The following DLG5 variants were observed in gnomAD, a reference collection of about 807,000 sequenced individuals.
DLG5 encodes discs large MAGUK scaffold protein 5, also known as disks large homolog 5.
In DLG5, 48 loss-of-function variants were observed where a neutral mutation model predicts 189.8. The ratio of observed to expected loss-of-function variants is 0.25; its 90% confidence interval spans 0.20 to 0.32. The LOEUF (loss-of-function observed/expected upper bound fraction) is 0.32. Among genes scored for constraint, DLG5 ranks in the 10% least tolerant of loss-of-function variants. DLG5 has a pLI of 1.00. For missense variants in DLG5, 2,160 were observed against 2,544.7 expected (o/e 0.85, Z 3.25); for synonymous variants, 1,016 against 1,054.1 (o/e 0.96, Z 0.70).
At chr10:77,933,494 A>G in the DLG5 span, among the ~76,000 whole-genome samples, 3 of 151,934 alleles carry the variant, frequency 2.0e-5, no homozygotes, top group African/African-American at 7.3e-5. Context: ...GGGTTTCACC[A>G]TGTTGGCCAG....
the DLG5 span, among the ~76,000 whole-genome samples, chr10:77,936,126 CA>C: frequency 5.3e-5 from 8 of 152,122 alleles, no homozygotes; most frequent in Non-Finnish European, 1.0e-4. Flanking sequence ...GGCCCAGAGG[CA>C]AATATCCCAG....
At chr10:77,801,789 G>A (rs373576059) in intron 27 of DLG5, among the ~76,000 whole-genome samples, 14 of 152,312 alleles carry the variant, frequency 9.2e-5, no homozygotes, top group African/African-American at 3.4e-4. Flanking sequence ...GTGGCAGGCT[G>A]ACAAGTGTCC....
At chr10:77,933,866 T>C in the DLG5 span, among the ~76,000 whole-genome samples, 3 of 151,788 alleles carry the variant, frequency 2.0e-5, no homozygotes, top group Non-Finnish European at 2.9e-5. Flanking sequence ...TTCACAAATG[T>C]GATTAAAGTT....
rs775833643 is a variant in DLG5, at chr10:77,792,512, A to T, written c.5688T>A (p.Ile1896=). The T allele has an allele frequency of 3.1e-6, 5 of 1,614,146 alleles. No homozygotes were observed. The highest frequency in any genetic ancestry group is 4.2e-6 in the Non-Finnish European group (5 of 1,180,022). Residue 1896 remains isoleucine, a synonymous_variant, in exon 32 of 32, where the codon ATT becomes ATA. Coordinates refer to ENST00000372391, the MANE Select transcript of DLG5 (RefSeq NM_004747.4). The part of the protein sequence containing the change: ...GVIQGGALSS[I]CTQILAMVNQ... ...TGACCATTGCCAAGATCTGAGTGCA[A>T]ATGCTTGACAGGGCTCCTCCCTGGA...
intron 1 of DLG5, among the ~76,000 whole-genome samples, chr10:77,902,463 C>T (rs1413805830): frequency 2.0e-5 from 3 of 152,156 alleles, no homozygotes; most frequent in Non-Finnish European, 2.9e-5. Context: ...GGTGATGCAC[C>T]GCAGCATTGT....
chr10:77,841,432 T>C (rs1589195919), intron 7 of DLG5, among the ~76,000 whole-genome samples: 1 of 152,180 alleles, frequency 6.6e-6, no homozygotes, highest in Non-Finnish European at 1.5e-5. Context: ...AAGAGCAGAC[T>C]CGTGAGATGC....
chr10:77,825,502 C>T (rs1362202008), intron 13 of DLG5, among the ~76,000 whole-genome samples: 1 of 151,836 alleles, frequency 6.6e-6, no homozygotes, highest in Non-Finnish European at 1.5e-5. Context: ...TACATAGGAC[C>T]CCCCTGTACT....
intron 8 of DLG5, among the ~76,000 whole-genome samples, chr10:77,834,414 C>T (rs770414605): frequency 4.1e-4 from 63 of 152,138 alleles, no homozygotes; most frequent in Non-Finnish European, 8.1e-4. Context: ...GCACCCCCCA[C>T]CTGCCTGGCA....
At position 77,824,402 on chromosome 10, in the gene DLG5, C is replaced by T. The variant is rs112970722; in HGVS notation, c.2364G>A (p.Leu788=). The T allele has an allele frequency of 2.2e-4, 347 of 1,613,638 alleles. 1 individual carries two copies. In the African/African-American group the frequency reaches 4.1e-3, roughly 19 times the overall value. ...ESLLRSCQDS[L]TLSLLKVFPQ... ...CCCTTACCTTCAGGAGGGACAGGGT[C>T]AGGGAGTCCTGGCAGCTGCGCAGCA... The change falls in exon 14 of 32, where the codon CTG becomes CTA. Residue 788 remains leucine (L), a synonymous_variant. Transcript: ENST00000372391.
At position 77,812,395 on chromosome 10, in the gene DLG5, G is replaced by A. The variant is rs755890444; in HGVS notation, c.4026-18C>T. 3 of 1,599,682 alleles carry A rather than the reference G, an allele frequency of 1.9e-6. No homozygotes were observed. In the East Asian group the frequency reaches 6.8e-5, roughly 36 times the overall value. Reference sequence around the variant, plus strand: ...CATAAGGCCTAAGGAAAAGTCAAAAGTTTCGGGGACTCAGGGTCAAACAAA... The same window carrying A: ...CATAAGGCCTAAGGAAAAGTCAAAAATTTCGGGGACTCAGGGTCAAACAAA... On this transcript the variant is annotated intron_variant, in intron 20 of 31. Coordinates refer to ENST00000372391, the MANE Select transcript of DLG5 (RefSeq NM_004747.4).
At chr10:77,814,375 T>TTA (rs1300280302) in intron 20 of DLG5, among the ~76,000 whole-genome samples, 1 of 150,032 alleles carries the variant, frequency 6.7e-6, no homozygotes, top group Non-Finnish European at 1.5e-5. Context: ...CAAAAGAGGT[T>TTA]TATAAAGTAT....
intron 2 of DLG5, among the ~76,000 whole-genome samples, chr10:77,863,411 A>AAAACC (rs1465796437): frequency 6.6e-6 from 1 of 152,170 alleles, no homozygotes. Flanking sequence ...TTTTTTTAAG[A>AAAACC]AAACCAAACT....
intron 27 of DLG5, among the ~76,000 whole-genome samples, chr10:77,801,445 C>G (rs114804937): frequency 6.6e-6 from 1 of 152,052 alleles, no homozygotes. Flanking sequence ...AGAAAAAGAG[C>G]CCAGAAGACA....
At chr10:77,887,092 C>T (rs1033764754) in intron 1 of DLG5, among the ~76,000 whole-genome samples, 8 of 152,322 alleles carry the variant, frequency 5.3e-5, no homozygotes, top group East Asian at 1.9e-4. Context: ...TGTGCAGGCC[C>T]TTCCAATACA....
At position 77,824,493 on chromosome 10, in the gene DLG5, A is replaced by T; in HGVS notation, c.2290-17T>A. ...GCCATTGATCTAGAGCAGGACAGAG[A>T]GCATGTCAGGCCACAGGCAGAGCGG... On this transcript the variant is annotated splice_polypyrimidine_tract_variant and intron_variant, in intron 13 of 31. Coordinates refer to ENST00000372391, the MANE Select transcript of DLG5 (RefSeq NM_004747.4). The T allele has an allele frequency of 6.2e-7, 1 of 1,607,320 alleles. No individual in the cohort carries two copies. The highest frequency in any genetic ancestry group is 8.5e-7 in the Non-Finnish European group (1 of 1,174,950).
intron 23 of DLG5, 137 bp downstream of exon 23, chr10:77,810,957 G>T: frequency 9.4e-7 from 1 of 1,068,408 alleles, no homozygotes; most frequent in Non-Finnish European, 1.3e-6. Flanking sequence ...CGTGCTCCCG[G>T]CCCAACTCCT....
chr10:77,828,760 C>T, intron 13 of DLG5, 122 bp downstream of exon 13: 2 of 842,216 alleles, frequency 2.4e-6, no homozygotes, highest in East Asian at 2.6e-5. Flanking sequence ...TAAATGTTCA[C>T]ATAGTACAAT....
chr10:77,913,078 TA>T (rs908205131), intron 1 of DLG5, among the ~76,000 whole-genome samples: 3 of 152,076 alleles, frequency 2.0e-5, no homozygotes, highest in African/African-American at 7.2e-5. Flanking sequence ...ACCTCATGGC[TA>T]AAAAAAATAA....
chr10:77,846,933 C>G (rs955253579), intron 5 of DLG5, among the ~76,000 whole-genome samples: 3 of 152,132 alleles, frequency 2.0e-5, no homozygotes, highest in Non-Finnish European at 2.9e-5. Flanking sequence ...GACACAAAGC[C>G]CGGTTCTGGG....
Sources: allele counts gnomAD v4.1 joint callset (sites outside exome capture counted in the v4.1 genomes callset), GRCh38; gene constraint gnomAD v4.1.1; transcripts MANE v1.5; gene names NCBI Gene and HGNC (gene_info 2026-07-23, HGNC 2026-07-21).